The following DNAH7 variants were observed in gnomAD, a reference collection of about 807,000 sequenced individuals.
DNAH7 encodes dynein axonemal heavy chain 7.
A neutral mutation model predicts 444.6 loss-of-function variants in DNAH7; 397 were observed. The ratio of observed to expected loss-of-function variants is 0.89; its 90% CI spans 0.82 to 0.97. DNAH7 has a LOEUF of 0.97. DNAH7 is among the 50% of genes least tolerant of loss of function. The pLI, the probability that DNAH7 is intolerant of heterozygous loss-of-function variation, is 0.00. For missense variants in DNAH7, 4,902 were observed against 4,800.8 expected, an observed-to-expected ratio of 1.02 and a Z score of -0.62; for synonymous variants, 1,636 against 1,624.4, an observed-to-expected ratio of 1.01 and a Z score of -0.17.
At chr2:195,916,156 TAAATGTA>T (rs1490620571) in intron 24 of DNAH7, among the ~76,000 whole-genome samples, 1 of 152,172 alleles carries the variant, frequency 6.6e-6, no homozygotes, top group Non-Finnish European at 1.5e-5. Flanking sequence ...ATCACAGACT[TAAATGTA>T]AAACTTAAAA....
At chr2:195,951,092 C>T (rs1167776434) in intron 19 of DNAH7, among the ~76,000 whole-genome samples, 2 of 152,038 alleles carry the variant, frequency 1.3e-5, no homozygotes, top group Non-Finnish European at 2.9e-5. Flanking sequence ...TATAAAGTTC[C>T]CTCTAAACAC....
chr2:195,949,199 T>C (rs1446809565), intron 19 of DNAH7, among the ~76,000 whole-genome samples: 1 of 152,186 alleles, frequency 6.6e-6, no homozygotes, highest in Non-Finnish European at 1.5e-5. Flanking sequence ...GCTGAGACAA[T>C]GGAGTTTTCT....
chr2:195,908,524 G>A (rs1027228567), intron 25 of DNAH7, among the ~76,000 whole-genome samples: 4 of 152,072 alleles, frequency 2.6e-5, no homozygotes, highest in Non-Finnish European at 4.4e-5. Context: ...GTGAGAACAT[G>A]GGATATTTGA....
chr2:195,808,741 T>C lies in DNAH7; in HGVS notation c.10024A>G (p.Thr3342Ala). The C allele has an allele frequency of 1.2e-6, 2 of 1,614,058 alleles. No homozygotes were observed. The highest frequency in any genetic ancestry group is 1.7e-6 in the Non-Finnish European group (2 of 1,179,960). The change falls in exon 53 of 65, where the codon ACC becomes GCC. Residue 3342 changes from threonine (T) to alanine (A), a missense_variant. Thr to Ala is a moderately conservative substitution (Grantham distance 58). Coordinates refer to ENST00000312428, the MANE Select transcript of DNAH7 (RefSeq NM_018897.3). Reference protein sequence around the residue: ...CRLDDLPAFKTIRREFMRLKD... With the variant: ...CRLDDLPAFKAIRREFMRLKD... ...AAGCGCATAAACTCTCTACGAATGG[T>C]TTTGAAGGCAGGCAAATCATCTAAT... is the stretch of plus-strand genomic sequence containing the variant.
chr2:195,960,244 A>G lies in DNAH7; in HGVS notation c.2891+16T>C, dbSNP rs1690993836. 2 of 1,574,620 alleles carry G rather than the reference A, an allele frequency of 1.3e-6. No homozygotes were observed. Among genetic ancestry groups the G allele is most frequent in the African/African-American group, 1.4e-5 (1 of 73,750 alleles). On this transcript the variant is annotated intron_variant, in intron 18 of 64. Coordinates refer to ENST00000312428, the MANE Select transcript of DNAH7 (RefSeq NM_018897.3). ...GGTAACATAGCATAAACATTGCCATATAAATATCACTTTACCTCATTTGTT... is the reference window on the plus strand; with the variant it reads ...GGTAACATAGCATAAACATTGCCATGTAAATATCACTTTACCTCATTTGTT...
In DNAH7 at chr2:195,758,695, G is replaced by A. The variant is rs562983716; in HGVS notation, c.11434-2410C>T. Reference sequence around the variant, plus strand: ...TGATGCCAACCCTCCTCCATCACCCGGCAGTGGCAGTGTGGCACTGAGAAT... The same window carrying A: ...TGATGCCAACCCTCCTCCATCACCCAGCAGTGGCAGTGTGGCACTGAGAAT... On this transcript the variant is annotated intron_variant, in intron 61 of 64. Transcript: ENST00000312428. Among the ~76,000 whole-genome samples the A allele has an allele frequency of 1.1e-4, 16 of 152,262 alleles. 1 individual carries two copies. In the South Asian group the frequency reaches 1.5e-3, roughly 14 times the overall value.
chr2:195,864,690 T>G lies in DNAH7; in HGVS notation c.6965A>C (p.His2322Pro), dbSNP rs747511837. The G allele has an allele frequency of 1.2e-6, 2 of 1,614,250 alleles. No individual in the cohort carries two copies. Among genetic ancestry groups the G allele is most frequent in the Non-Finnish European group, 1.7e-6 (2 of 1,180,036 alleles). The stretch of plus-strand genomic sequence containing the variant: ...CAGGATCCTGGAAATTCTGCTGATG[T>G]GCTCTATGGCAAATCGAAACAAGAC... ...NLVLFRFAIEHISRISRILKQ... is the reference protein window; with the variant it reads ...NLVLFRFAIEPISRISRILKQ... Residue 2322 changes from histidine (H) to proline (P), a missense_variant, in exon 41 of 65, where the codon CAC becomes CCC. Coordinates refer to ENST00000312428, the MANE Select transcript of DNAH7 (RefSeq NM_018897.3).
At chr2:195,988,340 G>T in intron 12 of DNAH7, 111 bp from the exon 13 acceptor site, 1 of 1,028,300 alleles carries the variant, frequency 9.7e-7, no homozygotes, top group African/African-American at 1.6e-5. Flanking sequence ...TATTCACAAG[G>T]TTGTTTTAAC....
chr2:195,874,817 T>C (rs1040316484), intron 38 of DNAH7, among the ~76,000 whole-genome samples: 1 of 151,842 alleles, frequency 6.6e-6, no homozygotes, highest in Non-Finnish European at 1.5e-5. Flanking sequence ...TGAGACCCTG[T>C]CTCAAAAACA....
chr2:195,845,437 G>A (rs909747918), intron 46 of DNAH7, among the ~76,000 whole-genome samples: 1 of 152,134 alleles, frequency 6.6e-6, no homozygotes, highest in East Asian at 1.9e-4. Context: ...ATTACCAATT[G>A]TTATTATAAA....
rs1574661671 is a variant in DNAH7 at position 195,884,584 on chromosome 2, C to T, written c.5763+1G>A. On this transcript the variant is annotated splice_donor_variant, in intron 35 of 64. Transcript: ENST00000312428. LOFTEE classifies it high-confidence loss of function. Reference sequence around the variant, plus strand: ...TGCAAATCTTGCTTCAGAACTCTTACCTCAGTGACAAATTGATAATCATAA... The same window carrying T: ...TGCAAATCTTGCTTCAGAACTCTTATCTCAGTGACAAATTGATAATCATAA... The T allele has an allele frequency of 1.2e-6, 2 of 1,612,120 alleles. No individual in the cohort carries two copies. Among genetic ancestry groups the T allele is most frequent in the South Asian group, 1.1e-5 (1 of 90,938 alleles).
chr2:195,988,940 T>G (rs1693108184), intron 12 of DNAH7, among the ~76,000 whole-genome samples: 1 of 152,156 alleles, frequency 6.6e-6, no homozygotes, highest in African/African-American at 2.4e-5. Context: ...CATTCAGTAT[T>G]TGTCTTTCTG....
intron 61 of DNAH7, among the ~76,000 whole-genome samples, chr2:195,766,145 C>T (rs187634054): frequency 1.7e-5 from 2 of 117,240 alleles, no homozygotes; most frequent in Admixed American, 8.3e-5. Flanking sequence ...TTTGCATGTT[C>T]TCGTTTAATT....
chr2:195,889,876 A>G (rs138189085), intron 31 of DNAH7, among the ~76,000 whole-genome samples: 1,942 of 152,252 alleles, frequency 0.013, 21 homozygotes, highest in Non-Finnish European at 0.021. Flanking sequence ...ATTACAACCA[A>G]TATAACATTC....
intron 24 of DNAH7, 88 bp downstream of exon 24, chr2:195,922,000 G>T: frequency 1.3e-6 from 1 of 763,120 alleles, no homozygotes; most frequent in Non-Finnish European, 2.2e-6. Flanking sequence ...TTAACAGTAT[G>T]AGAGACAATT....
At chr2:195,813,188 G>A (rs1055492846) in intron 51 of DNAH7, among the ~76,000 whole-genome samples, 1 of 152,140 alleles carries the variant, frequency 6.6e-6, no homozygotes, top group Admixed American at 6.5e-5. Context: ...ATCCTCAACA[G>A]TAGAATGGAT....
At chr2:195,755,272 T>C (rs922712285) in intron 62 of DNAH7, among the ~76,000 whole-genome samples, 2 of 152,192 alleles carry the variant, frequency 1.3e-5, no homozygotes, top group Non-Finnish European at 2.9e-5. Flanking sequence ...ATTCAACATA[T>C]AGGAACACAA....
chr2:195,762,817 C>T (rs1694408406), intron 61 of DNAH7, among the ~76,000 whole-genome samples: 1 of 151,970 alleles, frequency 6.6e-6, no homozygotes, highest in African/African-American at 2.4e-5. Context: ...ATCAGACAGA[C>T]CATCCAGACA....
In DNAH7 at chr2:195,785,800, A is replaced by G. The variant is rs1574430430; in HGVS notation, c.10878+1210T>C. ...TATTTTAAATTAGAATATACCCTACAAGTGTTCAGAACAAATTCCTAAATG... is the reference window on the plus strand; with the variant it reads ...TATTTTAAATTAGAATATACCCTACGAGTGTTCAGAACAAATTCCTAAATG... On this transcript the variant is annotated intron_variant, in intron 58 of 64. Transcript: ENST00000312428. 2.6e-5 allele frequency among the ~76,000 whole-genome samples: 4 copies of G among 152,078 alleles called. No homozygotes were observed. The East Asian group carries it at 7.7e-4, about 29-fold the overall frequency.
Sources: gnomAD v4.1 joint callset for allele counts (sites outside exome capture counted in the v4.1 genomes callset) on GRCh38, gnomAD v4.1.1 for gene constraint, MANE v1.5 for transcripts, NCBI Gene and HGNC (gene_info 2026-07-23, HGNC 2026-07-21) for gene names.